Variants in SCN3A observed in about 807,000 individuals in gnomAD.
SCN3A encodes the protein sodium channel protein type 3 subunit alpha.
In SCN3A, 60 loss-of-function variants were observed where a neutral mutation model predicts 187.6. The observed-to-expected ratio is 0.32, with a 90% CI of 0.26 to 0.40. SCN3A has a LOEUF of 0.40. Among genes scored for constraint, SCN3A ranks in the 10% least tolerant of loss-of-function variants. SCN3A has a pLI of 1.00. For missense variants in SCN3A, 1,601 were observed against 2,428.2 expected, an observed-to-expected ratio of 0.66 and a Z score of 7.16; for synonymous variants, 788 against 829.2, an observed-to-expected ratio of 0.95 and a Z score of 0.85.
At chr2:165,157,782 A>G (rs889892521) in intron 9 of SCN3A, among the ~76,000 whole-genome samples, 12 of 152,150 alleles carry the variant, frequency 7.9e-5, no homozygotes, top group African/African-American at 2.9e-4. Flanking sequence ...GTAGTCATGG[A>G]TAGTCATTTT....
In SCN3A at chr2:165,094,385, G is replaced by A. The variant is rs1685257662; in HGVS notation, c.4525C>T (p.Pro1509Ser). ...LGSKKPQKPI[P>S]RPANKFQGMV... ...CAAGTAATTCTTACTGCTGGGCGAG[G>A]TATGGGTTTCTGAGGTTTCTTGGAT... The change falls in exon 26 of 28, where the codon CCT becomes TCT. Residue 1509 changes from proline to serine, a missense_variant. Physicochemically the swap from Pro to Ser is moderately conservative, Grantham distance 74. Coordinates refer to ENST00000283254, the MANE Select transcript of SCN3A (RefSeq NM_006922.4). 2.5e-6 allele frequency: 4 copies of A among 1,611,850 alleles called. No individual in the cohort carries two copies. The highest frequency in any genetic ancestry group is 3.4e-6 in the Non-Finnish European group (4 of 1,178,012).
At chr2:165,100,541 C>T (rs979713414) in intron 21 of SCN3A, 117 bp from the exon 22 acceptor site, 4 of 992,380 alleles carry the variant, frequency 4.0e-6, no homozygotes, top group Middle Eastern at 2.8e-4. Context: ...ACCTTGGCAA[C>T]TTTCATCTTC....
rs1310500454 is a variant in SCN3A at position 165,130,001 on chromosome 2, A to T, written c.2861T>A (p.Val954Asp). The T allele has an allele frequency of 6.2e-7, 1 of 1,613,996 alleles. No homozygotes were observed. The highest frequency in any genetic ancestry group is 1.3e-5 in the African/African-American group (1 of 74,974). The change falls in exon 17 of 28, where the codon GTC becomes GAC. Residue 954 changes from valine (V) to aspartate (D), a missense_variant. Physicochemically the swap from Val to Asp is radical, Grantham distance 152. Around this residue, in one of 11 missense-constraint regions of SCN3A, gnomAD observed 91 missense variants for 207.0 expected, o/e 0.44. Coordinates refer to ENST00000283254, the MANE Select transcript of SCN3A (RefSeq NM_006922.4). ...WIETMWDCME[V>D]AGQTMCLIVF... ...AATAAGGCACATGGTTTGGCCAGCG[A>T]CCTCCATACAGTCCCACATGGTCTC...
Position 165,100,434 on chromosome 2 carries a change from G to A in SCN3A, c.3844-10C>T, listed in dbSNP as rs1559183507. 1.8e-5 allele frequency: 29 copies of A among 1,604,282 alleles called. No homozygotes were observed. Among genetic ancestry groups the A allele is most frequent in the Non-Finnish European group, 2.4e-5 (28 of 1,174,080 alleles). On this transcript the variant is annotated splice_polypyrimidine_tract_variant and intron_variant, in intron 21 of 27. Transcript: ENST00000283254. ...GGCTAACCAAAGAAACCTACAAAAG[G>A]AAAAAAAAATTAATTAGTTCACCAA...
chr2:165,107,416 C>G (rs958286342), intron 21 of SCN3A, among the ~76,000 whole-genome samples: 3 of 152,076 alleles, frequency 2.0e-5, no homozygotes, highest in Admixed American at 2.0e-4. Flanking sequence ...AAATCACATA[C>G]TAGACTGTTT....
intron 12 of SCN3A, among the ~76,000 whole-genome samples, chr2:165,145,002 A>C (rs1688234579): frequency 6.6e-6 from 1 of 152,196 alleles, no homozygotes; most frequent in African/African-American, 2.4e-5. Context: ...ACTACTCAGA[A>C]GTTTGCTTTC....
At chr2:165,093,456 GAAC>G (rs1235155386) in intron 26 of SCN3A, 1 of 151,902 alleles carries the variant, frequency 6.6e-6, no homozygotes, top group African/African-American at 2.4e-5. Flanking sequence ...ATCATCTCAG[GAAC>G]AACATGCTTT....
chr2:165,167,763 C>T (rs1369011091), intron 5 of SCN3A, among the ~76,000 whole-genome samples: 1 of 152,060 alleles, frequency 6.6e-6, no homozygotes, highest in East Asian at 1.9e-4. Context: ...CAATGAAGGG[C>T]ATTTTTTCTC....
intron 2 of SCN3A, among the ~76,000 whole-genome samples, chr2:165,185,025 C>G (rs1471871271): frequency 6.6e-6 from 1 of 150,854 alleles, no homozygotes; most frequent in African/African-American, 2.4e-5. Context: ...TGATCTATTT[C>G]TGTTTTTCTG....
intron 5 of SCN3A, 109 bp downstream of exon 5, chr2:165,168,627 A>G: frequency 2.4e-6 from 2 of 817,498 alleles, no homozygotes; most frequent in Non-Finnish European, 4.3e-6. Flanking sequence ...TTATGAAAAT[A>G]ACTTTTTCTT....
intron 2 of SCN3A, among the ~76,000 whole-genome samples, chr2:165,177,325 G>C (rs1178537563): frequency 6.6e-6 from 1 of 152,178 alleles, no homozygotes; most frequent in Non-Finnish European, 1.5e-5. Flanking sequence ...CTGTGTGATT[G>C]TGGACAAAGT....
intron 9 of SCN3A, among the ~76,000 whole-genome samples, chr2:165,160,914 T>C (rs1282946522): frequency 6.6e-6 from 1 of 152,056 alleles, no homozygotes; most frequent in Admixed American, 6.6e-5. Flanking sequence ...GTGCTGGGAT[T>C]ACAGGTGTGA....
chr2:165,139,365 A>C, intron 14 of SCN3A, 111 bp downstream of exon 14: 1 of 1,398,592 alleles, frequency 7.2e-7, no homozygotes, highest in Admixed American at 1.7e-5. Flanking sequence ...TCTTAGGTCT[A>C]ATATATAGTT....
intron 11 of SCN3A, among the ~76,000 whole-genome samples, chr2:165,150,030 T>G (rs1342057234): frequency 1.3e-5 from 2 of 152,208 alleles, no homozygotes; most frequent in Non-Finnish European, 2.9e-5. Flanking sequence ...CTATTTCGAA[T>G]TTTGTTCTAG....
intron 25 of SCN3A, 68 bp from the exon 26 acceptor site, chr2:165,094,546 C>G: frequency 9.7e-7 from 1 of 1,033,220 alleles, no homozygotes; most frequent in Admixed American, 1.8e-5. Flanking sequence ...AAATATTTGT[C>G]TTTCCTTTAA....
At chr2:165,186,280 C>T (rs1198123616) in intron 2 of SCN3A, among the ~76,000 whole-genome samples, 1 of 151,426 alleles carries the variant, frequency 6.6e-6, no homozygotes, top group Non-Finnish European at 1.5e-5. Flanking sequence ...AAAACAACAA[C>T]AACAACAACA....
At chr2:165,149,182 T>C (rs1045012246) in intron 11 of SCN3A, among the ~76,000 whole-genome samples, 2 of 145,864 alleles carry the variant, frequency 1.4e-5, no homozygotes, top group East Asian at 2.0e-4. Flanking sequence ...TTCCAAACTT[T>C]TTTTTTTTTT....
intron 9 of SCN3A, among the ~76,000 whole-genome samples, chr2:165,157,419 T>C (rs1689126904): frequency 6.6e-6 from 1 of 152,210 alleles, no homozygotes; most frequent in South Asian, 2.1e-4. Flanking sequence ...GTTTGTCTCA[T>C]GATTATATTT....
chr2:165,094,202 G>T (rs1484507022), intron 26 of SCN3A, 172 bp downstream of exon 26: 6 of 668,162 alleles, frequency 9.0e-6, no homozygotes, highest in African/African-American at 1.8e-5. Flanking sequence ...TTTTTGGAAT[G>T]TGGTAACTCC....
Sources: allele counts gnomAD v4.1 joint callset (sites outside exome capture counted in the v4.1 genomes callset), GRCh38; gene constraint gnomAD v4.1.1; regional missense constraint gnomAD v4.1.1; transcripts MANE v1.5; gene names NCBI Gene and HGNC (gene_info 2026-07-23, HGNC 2026-07-21).